The following CNKSR2 variants were observed in gnomAD, a reference collection of about 807,000 sequenced individuals.
CNKSR2 encodes the protein CNK homolog protein 2.
A neutral mutation model predicts 84.4 loss-of-function variants in CNKSR2; 14 were observed. The ratio of observed to expected loss-of-function variants is 0.17; its 90% confidence interval spans 0.11 to 0.26. The LOEUF (loss-of-function observed/expected upper bound fraction) is 0.26. CNKSR2 is among the 10% of genes least tolerant of loss of function. The pLI is 1.00. For missense variants in CNKSR2, 485 were observed against 771.2 expected, an observed-to-expected ratio of 0.63 and a Z score of 4.40; for synonymous variants, 275 against 277.9, an observed-to-expected ratio of 0.99 and a Z score of 0.10.
At chrX:21,483,603 TA>T (rs1394434285) in intron 5 of CNKSR2, among the ~76,000 whole-genome samples, 1 of 106,130 alleles carries the variant, frequency 9.4e-6, no homozygotes, top group Non-Finnish European at 1.9e-5. Context: ...AATATATATA[TA>T]TATATATATA....
chrX:21,489,699 C>G (rs1210151520), intron 5 of CNKSR2, among the ~76,000 whole-genome samples: 1 of 111,943 alleles, frequency 8.9e-6, no homozygotes, highest in African/African-American at 3.2e-5. Flanking sequence ...GCTTTCTGTC[C>G]TTAGTAAAGC....
intron 11 of CNKSR2, among the ~76,000 whole-genome samples, chrX:21,536,928 T>A: frequency 9.1e-6 from 1 of 109,708 alleles, no homozygotes; most frequent in Admixed American, 9.7e-5. Context: ...GCTTTTCTGA[T>A]TTCTTTTTTT....
chrX:21,525,432 G>T (rs968264162), intron 9 of CNKSR2, among the ~76,000 whole-genome samples: 9 of 110,767 alleles, frequency 8.1e-5, no homozygotes, highest in Admixed American at 3.9e-4. Flanking sequence ...TATCGTATAA[G>T]GTGGAATATT....
intron 8 of CNKSR2, 144 bp from the exon 9 acceptor site, chrX:21,516,341 A>T (rs1419022380): frequency 1.8e-6 from 1 of 551,709 alleles, no homozygotes; most frequent in Non-Finnish European, 3.0e-6. Flanking sequence ...GATAAAATTT[A>T]TTGAGTATGT....
intron 17 of CNKSR2, among the ~76,000 whole-genome samples, chrX:21,599,817 A>G (rs2092471447): frequency 9.0e-6 from 1 of 111,446 alleles, no homozygotes; most frequent in Non-Finnish European, 1.9e-5. Flanking sequence ...TACAAATTTA[A>G]CCCCTTTTTC....
rs184436225 is a variant in CNKSR2, at chrX:21,636,492, G to C, written c.2693-12339G>C. On this transcript the variant is annotated intron_variant, in intron 20 of 21. Transcript: ENST00000379510. ...ATGGATTTCAGAAGCAACCCAATCT[G>C]CCAATAGCTTGCTGTCCACCTACAT... is the stretch of plus-strand genomic sequence containing the variant. Among the ~76,000 whole-genome samples, 65 of 111,113 alleles carry C rather than the reference G, an allele frequency of 5.8e-4. No individual in the cohort carries two copies. The East Asian group carries it at 0.017, about 29-fold the overall frequency.
chrX:21,446,554 T>A (rs905592072), intron 4 of CNKSR2, among the ~76,000 whole-genome samples: 3 of 111,572 alleles, frequency 2.7e-5, no homozygotes, highest in Non-Finnish European at 5.7e-5. Context: ...TTCCTGCAGC[T>A]TTCTGATACT....
At chrX:21,471,255 T>C (rs2091194674) in intron 5 of CNKSR2, among the ~76,000 whole-genome samples, 1 of 112,440 alleles carries the variant, frequency 8.9e-6, no homozygotes, top group South Asian at 3.7e-4. Flanking sequence ...AATGGTAATA[T>C]GGCAATATTT....
intron 13 of CNKSR2, among the ~76,000 whole-genome samples, chrX:21,578,061 C>T (rs1389819034): frequency 9.0e-6 from 1 of 111,358 alleles, no homozygotes; most frequent in East Asian, 2.8e-4. Context: ...GACCAAAGTG[C>T]ATAAGCTCAA....
chrX:21,379,201 C>G (rs1451395195), intron 1 of CNKSR2, among the ~76,000 whole-genome samples: 1 of 112,791 alleles, frequency 8.9e-6, no homozygotes, highest in Non-Finnish European at 1.9e-5. Flanking sequence ...AGGTACAATA[C>G]TCTTTAGTAA....
chrX:21,523,757 A>G (rs1467706059), intron 9 of CNKSR2, among the ~76,000 whole-genome samples: 1 of 110,598 alleles, frequency 9.0e-6, no homozygotes, highest in East Asian at 2.8e-4. Context: ...TTTTAATGCC[A>G]CTTGTTACAA....
intron 5 of CNKSR2, among the ~76,000 whole-genome samples, chrX:21,489,850 G>A (rs1242909586): frequency 9.0e-6 from 1 of 111,649 alleles, no homozygotes; most frequent in East Asian, 2.8e-4. Context: ...AGACAGAGAT[G>A]AGTAGGGCAT....
intron 15 of CNKSR2, chrX:21,594,538 A>G: frequency 8.9e-6 from 1 of 112,264 alleles, no homozygotes; most frequent in South Asian, 3.7e-4. Flanking sequence ...TTGATAAGAG[A>G]TTTGTTGGAG....
chrX:21,393,019 A>G (rs983659072), intron 1 of CNKSR2, among the ~76,000 whole-genome samples: 19 of 112,323 alleles, frequency 1.7e-4, no homozygotes, highest in Middle Eastern at 4.7e-3. Context: ...AGATAAAGAA[A>G]CTGACAGAAA....
intron 11 of CNKSR2, among the ~76,000 whole-genome samples, chrX:21,547,745 C>T (rs917971914): frequency 2.6e-4 from 29 of 112,161 alleles, no homozygotes; most frequent in African/African-American, 8.4e-4. Flanking sequence ...GACCACAGTG[C>T]GATCAAATTA....
At position 21,601,919 on chromosome X, in the gene CNKSR2, A is replaced by C. The variant is rs773803340; in HGVS notation, c.2044+570A>C. ...TTCTTAGGTGGCTTCACATTTCCCAAAGGGTGTTTGTTGTACATCCCTTGG... is the reference window on the plus strand; with the variant it reads ...TTCTTAGGTGGCTTCACATTTCCCACAGGGTGTTTGTTGTACATCCCTTGG... On this transcript the variant is annotated intron_variant, in intron 18 of 21. Coordinates refer to ENST00000379510, the MANE Select transcript of CNKSR2 (RefSeq NM_014927.5). Among the ~76,000 whole-genome samples the C allele has an allele frequency of 2.7e-5, 3 of 111,918 alleles. No homozygotes were observed. The South Asian group carries it at 1.1e-3, about 42-fold the overall frequency.
intron 1 of CNKSR2, among the ~76,000 whole-genome samples, chrX:21,422,900 T>C (rs1333957650): frequency 9.0e-6 from 1 of 111,119 alleles, no homozygotes; most frequent in African/African-American, 3.3e-5. Flanking sequence ...TCCGAGAAAC[T>C]GGCTTGCTGT....
chrX:21,639,018 C>T (rs1369905486), intron 20 of CNKSR2, among the ~76,000 whole-genome samples: 2 of 111,490 alleles, frequency 1.8e-5, no homozygotes, highest in African/African-American at 6.5e-5. Context: ...TCCATTTGTT[C>T]TTTTAGAAAA....
intron 11 of CNKSR2, among the ~76,000 whole-genome samples, chrX:21,542,431 G>A (rs2091984859): frequency 8.9e-6 from 1 of 112,156 alleles, no homozygotes; most frequent in Non-Finnish European, 1.9e-5. Flanking sequence ...TGCCCAGTAT[G>A]TTGGGTCTTT....
Sources: gnomAD v4.1 joint callset for allele counts (sites outside exome capture counted in the v4.1 genomes callset) on GRCh38, gnomAD v4.1.1 for gene constraint, MANE v1.5 for transcripts, NCBI Gene and HGNC (gene_info 2026-07-23, HGNC 2026-07-21) for gene names.